Variants in TSC22D3 observed in about 807,000 individuals in gnomAD.
The protein encoded by TSC22D3 is TSC22 domain family member 3.
TSC22D3 carries 4 observed loss-of-function variants against 11.1 expected under a neutral mutation model. That is an observed-to-expected ratio of 0.36 (90% CI 0.18 to 0.83). TSC22D3 has a LOEUF of 0.83. Ranked by LOEUF, TSC22D3 falls within the 40% of genes least tolerant of loss-of-function variation. TSC22D3 has a pLI of 0.48. For synonymous variants in TSC22D3, 77 were observed against 70.3 expected, an observed-to-expected ratio of 1.10 and a Z score of -0.48; for missense variants, 118 against 159.4, an observed-to-expected ratio of 0.74 and a Z score of 1.40.
intron 1 of TSC22D3, among the ~76,000 whole-genome samples, chrX:107,730,959 T>C (rs969404055): frequency 1.8e-5 from 2 of 111,974 alleles, no homozygotes; most frequent in African/African-American, 6.5e-5. Flanking sequence ...AGACTCCCAG[T>C]CTCCTTCACA....
intron 1 of TSC22D3, among the ~76,000 whole-genome samples, chrX:107,750,497 G>A (rs778018191): frequency 4.5e-4 from 50 of 111,491 alleles, no homozygotes; most frequent in African/African-American, 1.3e-3. Flanking sequence ...AAGCGAGGAC[G>A]GCGAGCAAAA....
chrX:107,743,385 G>A (rs968178638), intron 1 of TSC22D3, among the ~76,000 whole-genome samples: 1 of 112,225 alleles, frequency 8.9e-6, no homozygotes, highest in African/African-American at 3.2e-5. Flanking sequence ...TTACATATGG[G>A]GAAACTGAGG....
intron 1 of TSC22D3, among the ~76,000 whole-genome samples, chrX:107,733,605 G>C (rs1174686170): frequency 9.0e-6 from 1 of 110,883 alleles, no homozygotes; most frequent in Admixed American, 9.6e-5. Flanking sequence ...TCCACCAGCT[G>C]AGGACTTCTT....
chrX:107,738,673 G>A (rs370063190), intron 1 of TSC22D3, among the ~76,000 whole-genome samples: 1 of 113,139 alleles, frequency 8.8e-6, no homozygotes, highest in African/African-American at 3.2e-5. Context: ...CATGGGGCCA[G>A]ACCTAGGTAA....
Position 107,775,524 on chromosome X carries a change from AGCTGT to A in TSC22D3, c.-110_-106del. 1 of 636,382 alleles carries A rather than the reference AGCTGT, an allele frequency of 1.6e-6. No homozygotes were observed. The highest frequency in any genetic ancestry group is 2.3e-6 in the Non-Finnish European group (1 of 432,072). 52.4% of individuals were successfully genotyped at this position (636,382 alleles called of 1,213,427 possible). ...GACTCCAGGGTGCCTGGAAAAGACAAGCTGTGAGGAAAAGAGTTGGAAATTAGCGC... is the reference window on the plus strand; with the variant it reads ...GACTCCAGGGTGCCTGGAAAAGACAAGAGGAAAAGAGTTGGAAATTAGCGC... On this transcript the variant is annotated 5_prime_UTR_variant, in exon 1 of 3. Coordinates refer to ENST00000372383, the MANE Select transcript of TSC22D3 (RefSeq NM_198057.3).
Position 107,772,534 on chromosome X carries a change from G to T in TSC22D3, c.320+2566C>A, listed in dbSNP as rs1005893966. ...ACCTAAACCGAATTCAGAATCCCCA[G>T]TCTCTAAGGTCCCAATTGTCAAGGA... is the stretch of plus-strand genomic sequence containing the variant. On this transcript the variant is annotated intron_variant, in intron 1 of 2. Transcript: ENST00000372383. Among the ~76,000 whole-genome samples, 3 of 111,367 alleles carry T rather than the reference G, an allele frequency of 2.7e-5. 1 individual carries two copies. In the South Asian group the frequency reaches 1.1e-3, roughly 42 times the overall value.
intron 1 of TSC22D3, among the ~76,000 whole-genome samples, chrX:107,749,302 G>T (rs1928829398): frequency 9.0e-6 from 1 of 110,844 alleles, no homozygotes; most frequent in African/African-American, 3.3e-5. Context: ...TTGAACCTGG[G>T]AGGCAGATGT....
At position 107,714,650 on chromosome X, in the gene TSC22D3, G is replaced by A. The variant is rs370175174; in HGVS notation, c.472C>T (p.Arg158Cys). 1.7e-5 allele frequency: 21 copies of A among 1,209,548 alleles called. No individual in the cohort carries two copies. In the East Asian group the frequency reaches 3.0e-4, roughly 17 times the overall value. ...ELVEKNSQLE[R>C]ENTLLKTLAS... ...AGGGTCTTCAACAGGGTGTTCTCACGCTCTAGCTGGGAGTTCTTCTCCACC... is the reference window on the plus strand; with the variant it reads ...AGGGTCTTCAACAGGGTGTTCTCACACTCTAGCTGGGAGTTCTTCTCCACC... Residue 158 changes from arginine to cysteine, a missense_variant, in exon 3 of 3, where the codon CGT becomes TGT. Physicochemically the swap from Arg to Cys is radical, Grantham distance 180. Transcript: ENST00000372383.
intron 1 of TSC22D3, among the ~76,000 whole-genome samples, chrX:107,767,459 C>A (rs1929720373): frequency 9.0e-6 from 1 of 111,719 alleles, no homozygotes; most frequent in Non-Finnish European, 1.9e-5. Flanking sequence ...GCCTCTTATA[C>A]AGTTTCCAGA....
intron 1 of TSC22D3, among the ~76,000 whole-genome samples, chrX:107,761,554 TC>T (rs1161861203): frequency 8.9e-6 from 1 of 112,480 alleles, no homozygotes; most frequent in African/African-American, 3.2e-5. Flanking sequence ...TTCACTGACC[TC>T]CATCCTATAC....
chrX:107,737,846 C>T lies in TSC22D3; in HGVS notation c.321-21896G>A, dbSNP rs1466341904. On this transcript the variant is annotated intron_variant, in intron 1 of 2. Coordinates refer to ENST00000372383, the MANE Select transcript of TSC22D3 (RefSeq NM_198057.3). Reference sequence around the variant, plus strand: ...CAGATCAATGGCAGATTTGTTGCTACCAGGCAGAGAAAGCTCAGCAAAGAG... The same window carrying T: ...CAGATCAATGGCAGATTTGTTGCTATCAGGCAGAGAAAGCTCAGCAAAGAG... Among the ~76,000 whole-genome samples, 4 of 112,030 alleles carry T rather than the reference C, an allele frequency of 3.6e-5. No homozygotes were observed. The Admixed American group carries it at 3.8e-4, about 11-fold the overall frequency.
At chrX:107,720,549 C>T (rs764620877) in intron 1 of TSC22D3, among the ~76,000 whole-genome samples, 11 of 110,942 alleles carry the variant, frequency 9.9e-5, no homozygotes, top group Non-Finnish European at 1.5e-4. Flanking sequence ...AAAAATTAGC[C>T]GGGCATGGTG....
chrX:107,713,670 C>A lies in TSC22D3; in HGVS notation c.*849G>T, dbSNP rs780151730. The A allele has an allele frequency of 8.9e-6, 1 of 111,739 alleles. No individual in the cohort carries two copies. Among genetic ancestry groups the A allele is most frequent in the Non-Finnish European group, 1.9e-5 (1 of 53,092 alleles). 9.2% of individuals were successfully genotyped at this position (111,739 alleles called of 1,213,427 possible). A position where few individuals can be genotyped will look rare whatever the true frequency, so the allele number is the denominator to read the frequency against. ...GTGGCCGCATTCAGAGGCTGGCCCC[C>A]CTCCTTGCCTTTACTCTCGAGTCTT... On this transcript the variant is annotated 3_prime_UTR_variant, in exon 3 of 3. Transcript: ENST00000372383.
intron 1 of TSC22D3, among the ~76,000 whole-genome samples, chrX:107,752,202 C>T (rs184157480): frequency 1.8e-5 from 2 of 111,875 alleles, no homozygotes; most frequent in South Asian, 3.8e-4. Context: ...CACTGTTCAC[C>T]ATCTGTTTTC....
At chrX:107,767,587 C>T (rs1929724401) in intron 1 of TSC22D3, among the ~76,000 whole-genome samples, 1 of 112,484 alleles carries the variant, frequency 8.9e-6, no homozygotes, top group African/African-American at 3.2e-5. Flanking sequence ...TTGCTTTCTG[C>T]TCTCACAGAT....
At chrX:107,766,105 GAGA>G (rs1172850770) in intron 1 of TSC22D3, among the ~76,000 whole-genome samples, 1 of 112,382 alleles carries the variant, frequency 8.9e-6, no homozygotes, top group African/African-American at 3.2e-5. Flanking sequence ...GACAAAGGAA[GAGA>G]AGAAGAGGAG....
chrX:107,768,162 G>A (rs994995119), intron 1 of TSC22D3, among the ~76,000 whole-genome samples: 5 of 112,111 alleles, frequency 4.5e-5, no homozygotes, highest in African/African-American at 1.3e-4. Context: ...AGCAAACAGC[G>A]CAACAGCCAC....
At chrX:107,774,393 C>T (rs185982509) in intron 1 of TSC22D3, among the ~76,000 whole-genome samples, 3 of 110,973 alleles carry the variant, frequency 2.7e-5, no homozygotes, top group Admixed American at 9.5e-5. Flanking sequence ...CCAATACACG[C>T]CTGCAACGAC....
rs1275816911 is a variant in TSC22D3, at chrX:107,714,515, C to G, written c.*4G>C. 8.3e-7 allele frequency: 1 copy of G among 1,207,079 alleles called. No individual in the cohort carries two copies. Among genetic ancestry groups the G allele is most frequent in the Admixed American group, 2.2e-5 (1 of 45,890 alleles). On this transcript the variant is annotated 3_prime_UTR_variant, in exon 3 of 3. Transcript: ENST00000372383. ...GGCTCTGCCCACCCTGAGGACAGAG[C>G]CACTTACACCGCAGAACCACCAGGG...
Sources: gnomAD v4.1 joint callset for allele counts (sites outside exome capture counted in the v4.1 genomes callset) on GRCh38, gnomAD v4.1.1 for gene constraint, MANE v1.5 for transcripts, NCBI Gene and HGNC (gene_info 2026-07-23, HGNC 2026-07-21) for gene names.